SCN8A: variants seen among roughly 807,000 people sequenced by gnomAD.
The protein encoded by SCN8A is sodium voltage-gated channel alpha subunit 8, also known as sodium channel protein type 8 subunit alpha.
Under a neutral mutation model 184.1 loss-of-function variants are expected in SCN8A, and 30 were observed. That is an observed-to-expected ratio of 0.16 (90% CI 0.12 to 0.22). The LOEUF (loss-of-function observed/expected upper bound fraction) is 0.22, where lower values mean the gene tolerates loss of function less well. Ranked by LOEUF, SCN8A falls within the 10% of genes least tolerant of loss-of-function variation. SCN8A has a pLI of 1.00. For synonymous variants in SCN8A, 852 were observed against 907.0 expected (o/e 0.94, Z 1.09); for missense variants, 1,057 against 2,498.9 (o/e 0.42, Z 12.30).
intron 1 of SCN8A, among the ~76,000 whole-genome samples, chr12:51,604,243 G>A (rs778237080): frequency 2.6e-4 from 39 of 150,804 alleles, no homozygotes; most frequent in Non-Finnish European, 4.7e-4. Context: ...TTAGATATGA[G>A]ATTTAGGCCT....
At chr12:51,669,086 A>T (rs548323292) in intron 2 of SCN8A, among the ~76,000 whole-genome samples, 2 of 152,338 alleles carry the variant, frequency 1.3e-5, no homozygotes, top group Non-Finnish European at 2.9e-5. Context: ...GTATCTAAAC[A>T]TAGCTAAACA....
chr12:51,639,615 GTCAAA>G (rs1342312541), intron 1 of SCN8A, among the ~76,000 whole-genome samples: 4 of 152,076 alleles, frequency 2.6e-5, no homozygotes, highest in African/African-American at 7.2e-5. Flanking sequence ...ATAAAATGCT[GTCAAA>G]TACCATTGTA....
chr12:51,623,688 T>C (rs1940013457), intron 1 of SCN8A, among the ~76,000 whole-genome samples: 1 of 152,198 alleles, frequency 6.6e-6, no homozygotes, highest in African/African-American at 2.4e-5. Context: ...TATGTAAACA[T>C]GTGCCATGTT....
chr12:51,697,001 T>G (rs1941604151), intron 6 of SCN8A, among the ~76,000 whole-genome samples: 1 of 144,012 alleles, frequency 6.9e-6, no homozygotes, highest in Non-Finnish European at 1.5e-5. Context: ...ATCGTGCCAT[T>G]GCACTCCAGC....
intron 13 of SCN8A, 82 bp downstream of exon 13, chr12:51,746,117 C>A: frequency 7.5e-7 from 1 of 1,328,776 alleles, no homozygotes; most frequent in South Asian, 2.0e-5. Flanking sequence ...GTCCCTTGGT[C>A]TGAGTTTTGC....
At chr12:51,777,071 T>C (rs763886767) in intron 20 of SCN8A, among the ~76,000 whole-genome samples, 8 of 152,224 alleles carry the variant, frequency 5.3e-5, no homozygotes, top group African/African-American at 1.7e-4. Context: ...TCCCACTGTA[T>C]GTGGAGATCA....
rs144928327 is a variant in SCN8A, at chr12:51,781,851, G to A, written c.3942+1080G>A. The stretch of plus-strand genomic sequence containing the variant: ...AGGATATATTTTTAAATGTGCAAAC[G>A]TCAGAATGTAAGAATAAAAATTAAA... On this transcript the variant is annotated intron_variant, in intron 21 of 26. Transcript: ENST00000627620. Among the ~76,000 whole-genome samples, 326 of 152,224 alleles carry A rather than the reference G, an allele frequency of 2.1e-3. 2 individuals are homozygous for A. Among genetic ancestry groups the A allele is most frequent in the African/African-American group, 7.6e-3 (314 of 41,530 alleles).
chr12:51,616,667 C>T (rs1939845212), intron 1 of SCN8A, among the ~76,000 whole-genome samples: 2 of 152,120 alleles, frequency 1.3e-5, no homozygotes, highest in Non-Finnish European at 2.9e-5. Flanking sequence ...TGCTTGTCAT[C>T]TCCGCACTTT....
rs142384714 is a variant in SCN8A, at chr12:51,621,466, G to A, written c.-55+30107G>A. ...TAGAAATACAAAGTGCATCATATTG[G>A]TGACCCCTTTTAGATAGTGGGATGG... On this transcript the variant is annotated intron_variant, in intron 1 of 26. Transcript: ENST00000627620. 6.8e-4 allele frequency among the ~76,000 whole-genome samples: 104 copies of A among 152,292 alleles called. 1 individual carries two copies. Among genetic ancestry groups the A allele is most frequent in the African/African-American group, 2.4e-3 (99 of 41,574 alleles).
chr12:51,702,051 C>T (rs1262820227), intron 8 of SCN8A, among the ~76,000 whole-genome samples: 1 of 151,934 alleles, frequency 6.6e-6, no homozygotes, highest in Non-Finnish European at 1.5e-5. Context: ...TGGCCAGGCG[C>T]GGTGGCTCAC....
chr12:51,727,569 C>T (rs559965185), intron 12 of SCN8A, among the ~76,000 whole-genome samples: 3 of 152,204 alleles, frequency 2.0e-5, no homozygotes, highest in East Asian at 1.9e-4. Context: ...GTACATCTCA[C>T]GGAAGCCCAA....
At chr12:51,650,042 A>C (rs1392029553) in intron 1 of SCN8A, among the ~76,000 whole-genome samples, 1 of 152,138 alleles carries the variant, frequency 6.6e-6, no homozygotes, top group African/African-American at 2.4e-5. Flanking sequence ...ATCTCTCTCA[A>C]GTTCAAAGTT....
At chr12:51,592,264 C>G (rs985632210) in intron 1 of SCN8A, among the ~76,000 whole-genome samples, 2 of 151,908 alleles carry the variant, frequency 1.3e-5, no homozygotes, top group Admixed American at 6.6e-5. Flanking sequence ...CTCCTGAGAG[C>G]TCAGCTCCAT....
chr12:51,594,301 G>C (rs1565851280), intron 1 of SCN8A, among the ~76,000 whole-genome samples: 1 of 152,128 alleles, frequency 6.6e-6, no homozygotes, highest in Non-Finnish European at 1.5e-5. Flanking sequence ...AAAGTTGAAA[G>C]ACATATAAAT....
rs1461559966 is a variant in SCN8A, at chr12:51,809,753, A to AACTT, written c.*2326_*2329dup. ...TGCCTTTTTGTAAATACAAATTATT[A>AACTT]ACTTATTAAATAGGAAATGGCTTCT... On this transcript the variant is annotated 3_prime_UTR_variant, in exon 27 of 27. Coordinates refer to ENST00000627620, the MANE Select transcript of SCN8A (RefSeq NM_001330260.2). 1 of 152,202 alleles carries AACTT rather than the reference A, an allele frequency of 6.6e-6. No individual in the cohort carries two copies. The highest frequency in any genetic ancestry group is 6.5e-5 in the Admixed American group (1 of 15,282). 9.4% of individuals were successfully genotyped at this position (152,202 alleles called of 1,614,324 possible).
At chr12:51,717,978 A>G (rs1222275266) in intron 11 of SCN8A, among the ~76,000 whole-genome samples, 1 of 152,252 alleles carries the variant, frequency 6.6e-6, no homozygotes, top group Non-Finnish European at 1.5e-5. Context: ...AAAAGCCTAC[A>G]TAACACGTGA....
chr12:51,596,673 A>AT (rs1269799394), intron 1 of SCN8A, among the ~76,000 whole-genome samples: 1 of 152,228 alleles, frequency 6.6e-6, no homozygotes, highest in Admixed American at 6.5e-5. Flanking sequence ...ATGAGGGGAA[A>AT]TTAACAGAGG....
intron 14 of SCN8A, among the ~76,000 whole-genome samples, chr12:51,761,789 G>A (rs182317229): frequency 1.3e-4 from 20 of 152,062 alleles, no homozygotes; most frequent in Non-Finnish European, 2.4e-4. Context: ...ATCCCCAGCC[G>A]CCAGTAGAAT....
chr12:51,691,323 G>C (rs1941503773), intron 6 of SCN8A, among the ~76,000 whole-genome samples: 1 of 152,238 alleles, frequency 6.6e-6, no homozygotes, highest in Non-Finnish European at 1.5e-5. Context: ...TTCTGTCTCT[G>C]TCTCTGCTAT....
Sources: gnomAD v4.1 joint callset for allele counts (sites outside exome capture counted in the v4.1 genomes callset) on GRCh38, gnomAD v4.1.1 for gene constraint, MANE v1.5 for transcripts, NCBI Gene and HGNC (gene_info 2026-07-23, HGNC 2026-07-21) for gene names.